GAK: variants seen among roughly 807,000 people sequenced by gnomAD.
GAK encodes cyclin G associated kinase.
A neutral mutation model predicts 143.9 loss-of-function variants in GAK; 79 were observed. The ratio of observed to expected loss-of-function variants is 0.55; its 90% CI spans 0.46 to 0.66. The LOEUF (loss-of-function observed/expected upper bound fraction) is 0.66, where lower values mean the gene tolerates loss of function less well. Among genes scored for constraint, GAK ranks in the 30% least tolerant of loss-of-function variants. GAK has a pLI of 0.00. For synonymous variants in GAK, 881 were observed against 765.5 expected, an observed-to-expected ratio of 1.15 and a Z score of -2.49; for missense variants, 1,693 against 1,779.7, an observed-to-expected ratio of 0.95 and a Z score of 0.88.
At position 877,153 on chromosome 4, in the gene GAK, T is replaced by C. The variant is rs41286651; in HGVS notation, c.1911A>G (p.Gln637=). The part of the protein sequence containing the change: ...KAVIPLGVTV[Q]GDVLIVIYHA... ...GATAGATGACGATGAGCACGTCTCCTTGCACCGTGACGCCCAGGGGAATCA... is the reference window on the plus strand; with the variant it reads ...GATAGATGACGATGAGCACGTCTCCCTGCACCGTGACGCCCAGGGGAATCA... The change falls in exon 17 of 28, where the codon CAA becomes CAG. Residue 637 remains glutamine, a synonymous_variant. Transcript: ENST00000314167. 0.028 allele frequency: 44,491 copies of C among 1,613,828 alleles called. 709 individuals carry two copies. Among genetic ancestry groups the C allele is most frequent in the Non-Finnish European group, 0.032 (37,566 of 1,179,834 alleles).
rs73064450 is a variant in GAK at position 923,845 on chromosome 4, A to G, written c.145+8198T>C. On this transcript the variant is annotated intron_variant, in intron 1 of 27. Coordinates refer to ENST00000314167, the MANE Select transcript of GAK (RefSeq NM_005255.4). The stretch of plus-strand genomic sequence containing the variant: ...ACATAAATTATATAAATATATAAAC[A>G]TAAGACCTGTATCCAGAGTAAGCAG... Among the ~76,000 whole-genome samples, 330 of 152,216 alleles carry G rather than the reference A, an allele frequency of 2.2e-3. 2 individuals carry two copies. Among genetic ancestry groups the G allele is most frequent in the African/African-American group, 7.6e-3 (316 of 41,546 alleles).
chr4:895,299 G>A (rs769358946), intron 7 of GAK, among the ~76,000 whole-genome samples: 2 of 152,372 alleles, frequency 1.3e-5, no homozygotes, highest in Middle Eastern at 3.4e-3. Context: ...TGAGCCCAGA[G>A]AAGGGACTGG....
chr4:929,634 C>T (rs1004634702), intron 1 of GAK, among the ~76,000 whole-genome samples: 1 of 151,588 alleles, frequency 6.6e-6, no homozygotes, highest in African/African-American at 2.4e-5. Context: ...CAGGAAGATC[C>T]AGAGCCCAGT....
At chr4:910,878 G>A (rs1361772599) in intron 4 of GAK, among the ~76,000 whole-genome samples, 4 of 152,152 alleles carry the variant, frequency 2.6e-5, no homozygotes, top group Non-Finnish European at 5.9e-5. Context: ...GCATCGGCAC[G>A]AGGCAGGGCT....
chr4:902,307 G>A (rs1156662074), intron 5 of GAK, among the ~76,000 whole-genome samples: 1 of 151,608 alleles, frequency 6.6e-6, no homozygotes, highest in African/African-American at 2.4e-5. Flanking sequence ...GAGTGATAAG[G>A]CTTTAAAACT....
intron 11 of GAK, among the ~76,000 whole-genome samples, chr4:884,926 ACG>A (rs1346750510): frequency 2.6e-5 from 4 of 152,166 alleles, no homozygotes; most frequent in African/African-American, 9.7e-5. Flanking sequence ...CCAAATACAC[ACG>A]ACCGAACCAT....
In GAK at chr4:913,658, T is replaced by C. The variant is rs1300174174; in HGVS notation, c.156A>G (p.Ala52=). The C allele has an allele frequency of 6.2e-7, 1 of 1,613,226 alleles. No individual in the cohort carries two copies. Among genetic ancestry groups the C allele is most frequent in the African/African-American group, 1.3e-5 (1 of 74,878 alleles). Residue 52 remains alanine (A), a synonymous_variant, in exon 2 of 28, where the codon GCA becomes GCG. Transcript: ENST00000314167. ...VRRVLAEGGF[A]FVYEAQDVGS... Reference sequence around the variant, plus strand: ...CCACATCTTGAGCTTCATACACAAATGCAAACCCTCCTGAAAATTAAAAAG... The same window carrying C: ...CCACATCTTGAGCTTCATACACAAACGCAAACCCTCCTGAAAATTAAAAAG...
chr4:907,007 C>T (rs1358115104), intron 4 of GAK, among the ~76,000 whole-genome samples: 3 of 152,234 alleles, frequency 2.0e-5, no homozygotes, highest in Non-Finnish European at 2.9e-5. Flanking sequence ...CCTGGCTCTT[C>T]GAGCCACCCA....
rs150486451 is a variant in GAK, at chr4:911,714, G to A, written c.341C>T (p.Thr114Met). The change falls in exon 4 of 28, where the codon ACG (threonine) becomes ATG (methionine). Residue 114 changes from threonine to methionine, a missense_variant. Physicochemically the swap from Thr to Met is moderately conservative, Grantham distance 81. This residue lies in a region of GAK where 871 missense variants were observed against 991.0 expected (regional missense o/e 0.88). Transcript: ENST00000314167. ...GAGCAAGAGGAACTCAGCCTGCCCCGTGTCTGACTCCTCTTTTCCTATAGA... is the reference window on the plus strand; with the variant it reads ...GAGCAAGAGGAACTCAGCCTGCCCCATGTCTGACTCCTCTTTTCCTATAGA... ...AASIGKEESDTGQAEFLLLTE... is the reference protein window; with the variant it reads ...AASIGKEESDMGQAEFLLLTE... The A allele has an allele frequency of 2.5e-5, 41 of 1,613,830 alleles. No individual in the cohort carries two copies. The highest frequency in any genetic ancestry group is 6.7e-5 in the African/African-American group (5 of 74,912).
chr4:895,666 C>A (rs572943771), intron 7 of GAK, among the ~76,000 whole-genome samples: 1 of 152,194 alleles, frequency 6.6e-6, no homozygotes, highest in Admixed American at 6.5e-5. Context: ...GGTAAGGGGA[C>A]GTCAAAAGAA....
intron 13 of GAK, 43 bp from the exon 14 acceptor site, chr4:882,862 C>A (rs770313670): frequency 3.1e-6 from 5 of 1,594,666 alleles, no homozygotes; most frequent in Admixed American, 3.3e-5. Flanking sequence ...AGAGGAGCCC[C>A]GCCCCAGCCT....
In GAK at chr4:870,735, G is replaced by C. The variant is rs773668888; in HGVS notation, c.2224C>G (p.Gln742Glu). 6.2e-7 allele frequency: 1 copy of C among 1,613,930 alleles called. No individual in the cohort carries two copies. Among genetic ancestry groups the C allele is most frequent in the Non-Finnish European group, 8.5e-7 (1 of 1,179,968 alleles). The change falls in exon 19 of 28, where the codon CAG becomes GAG. Residue 742 changes from glutamine to glutamate, a missense_variant. Gln to Glu is a conservative substitution (Grantham distance 29). Transcript: ENST00000314167. Reference sequence around the variant, plus strand: ...CCAAACTTAGACAGAATGTCTTGCTGCTCCTCCCGGCTGGAAAACAGGATT... The same window carrying C: ...CCAAACTTAGACAGAATGTCTTGCTCCTCCTCCCGGCTGGAAAACAGGATT... ...PKILFSSREE[Q>E]QDILSKFGKP...
rs1002486862 is a variant in GAK at position 921,431 on chromosome 4, C to G, written c.146-7763G>C. ...TTCTGAGGGAGGCACAGAAGCAACT[C>G]CATGGAAGATCCACAAATGGTGCCA... On this transcript the variant is annotated intron_variant, in intron 1 of 27. Coordinates refer to ENST00000314167, the MANE Select transcript of GAK (RefSeq NM_005255.4). 5.9e-5 allele frequency among the ~76,000 whole-genome samples: 9 copies of G among 152,288 alleles called. No individual in the cohort carries two copies. In the East Asian group the frequency reaches 1.5e-3, roughly 26 times the overall value.
chr4:870,645 A>T, intron 19 of GAK, 66 bp downstream of exon 19: 3 of 1,501,478 alleles, frequency 2.0e-6, no homozygotes, highest in Non-Finnish European at 1.8e-6. Context: ...GCTCAGCCAA[A>T]GGTGTCTCTC....
At chr4:878,013 G>A (rs1376627289) in intron 15 of GAK, among the ~76,000 whole-genome samples, 2 of 152,058 alleles carry the variant, frequency 1.3e-5, no homozygotes, top group Non-Finnish European at 2.9e-5. Context: ...TTTTAAGACA[G>A]AGTCTTAAAA....
intron 24 of GAK, chr4:853,133 CATCTT>C (rs896622355): frequency 1.3e-5 from 2 of 152,134 alleles, no homozygotes; most frequent in African/African-American, 4.8e-5. Flanking sequence ...CCCAGACTGT[CATCTT>C]AGTTATGTTC....
chr4:881,850 G>A (rs1014925289), intron 15 of GAK, 57 bp downstream of exon 15: 53 of 1,511,546 alleles, frequency 3.5e-5, no homozygotes, highest in Non-Finnish European at 4.3e-5. Context: ...CAGCGGGGGC[G>A]GCAGTGCCAC....
chr4:865,542 C>T (rs1420207444), intron 22 of GAK, among the ~76,000 whole-genome samples: 1 of 152,222 alleles, frequency 6.6e-6, no homozygotes, highest in Non-Finnish European at 1.5e-5. Flanking sequence ...CTTTCTGCCG[C>T]CATCCCCACA....
chr4:923,707 G>T (rs1724240995), intron 1 of GAK, among the ~76,000 whole-genome samples: 1 of 151,952 alleles, frequency 6.6e-6, no homozygotes, highest in Non-Finnish European at 1.5e-5. Context: ...GGGAGTGGAG[G>T]CACAGAGACA....
Sources: gnomAD v4.1 joint callset for allele counts (sites outside exome capture counted in the v4.1 genomes callset) on GRCh38, gnomAD v4.1.1 for gene constraint, gnomAD v4.1.1 regional missense constraint, MANE v1.5 for transcripts, NCBI Gene and HGNC (gene_info 2026-07-23, HGNC 2026-07-21) for gene names.